Variants in MTRR observed in about 807,000 individuals in gnomAD.
The protein encoded by MTRR is 5-methyltetrahydrofolate-homocysteine methyltransferase reductase, also known as methionine synthase reductase.
A neutral mutation model predicts 79.2 loss-of-function variants in MTRR; 63 were observed. The ratio of observed to expected loss-of-function variants is 0.80; its 90% confidence interval spans 0.65 to 0.98. The LOEUF is 0.98. MTRR is among the 50% of genes least tolerant of loss of function. MTRR has a pLI of 0.00. For missense variants in MTRR, 895 were observed against 839.6 expected, an observed-to-expected ratio of 1.07 and a Z score of -0.82; for synonymous variants, 355 against 313.3, an observed-to-expected ratio of 1.13 and a Z score of -1.41.
rs1442829435 is a variant in MTRR at position 7,859,357 on chromosome 5, T to TCA, written n.392-2591_392-2590dup. The TCA allele has an allele frequency of 3.6e-6, 3 of 839,634 alleles. No individual in the cohort carries two copies. The African/African-American group carries it at 5.2e-5, about 15-fold the overall frequency. The allele number at this position is 839,634 out of a possible 1,614,324, so 52.0% of individuals were successfully genotyped here. ...GAACATATTCTGCAAAGTGGCTAAT[T>TCA]CACATTATATTTTTCTTTTAATACT... is the stretch of plus-strand genomic sequence containing the variant. On this transcript the variant is annotated intron_variant and non_coding_transcript_variant, in intron 1 of 3. Coordinates refer to the MTRR transcript ENST00000502509.
intron 12 of MTRR, 45 bp from the exon 13 acceptor site, chr5:7,896,819 A>G (rs748797973): frequency 3.4e-6 from 5 of 1,480,378 alleles, no homozygotes; most frequent in Non-Finnish European, 4.7e-6. Flanking sequence ...TTGGTTTTAC[A>G]TATTCTTTAT....
chr5:7,889,302 T>G (rs1289430841), intron 9 of MTRR, 27 bp downstream of exon 9: 1 of 1,611,948 alleles, frequency 6.2e-7, no homozygotes, highest in African/African-American at 1.3e-5. Flanking sequence ...ACAAGCACCT[T>G]GGTGGCTGTT....
intron 6 of MTRR, among the ~76,000 whole-genome samples, chr5:7,884,891 G>A (rs1438383537): frequency 2.6e-5 from 4 of 152,184 alleles, no homozygotes; most frequent in Admixed American, 6.5e-5. Context: ...AAAATACAAT[G>A]TGTCAAAACT....
upstream of MTRR, chr5:7,867,428 C>T: frequency 6.2e-7 from 1 of 1,614,156 alleles, no homozygotes; most frequent in South Asian, 1.1e-5. Context: ...CCCAAGAATA[C>T]AAAGATTGCG....
chr5:7,879,916 G>A (rs1735309337), intron 5 of MTRR, among the ~76,000 whole-genome samples: 1 of 152,178 alleles, frequency 6.6e-6, no homozygotes, highest in South Asian at 2.1e-4. Context: ...CAAAGCTGGT[G>A]GCCTTTTCTG....
At chr5:7,859,738 A>G (rs1426917829) in intron 1 of MTRR, among the ~76,000 whole-genome samples, 2 of 152,232 alleles carry the variant, frequency 1.3e-5, no homozygotes, top group Non-Finnish European at 2.9e-5. Context: ...GGGCTTGGTA[A>G]ATATTTGATG....
At chr5:7,881,447 T>A (rs1735579194) in intron 5 of MTRR, among the ~76,000 whole-genome samples, 1 of 152,036 alleles carries the variant, frequency 6.6e-6, no homozygotes, top group Non-Finnish European at 1.5e-5. Flanking sequence ...AAGGGAGTTC[T>A]TACTCTTCAT....
intron 1 of MTRR, 141 bp downstream of exon 1, chr5:7,869,356 C>T (rs1747447119): frequency 4.4e-6 from 4 of 899,682 alleles, no homozygotes; most frequent in Non-Finnish European, 3.4e-6. Context: ...GGGGTCGCCG[C>T]GGGCGCGGGC....
At chr5:7,876,862 G>A (rs1734646030) in intron 4 of MTRR, among the ~76,000 whole-genome samples, 2 of 152,344 alleles carry the variant, frequency 1.3e-5, no homozygotes, top group South Asian at 2.1e-4. Flanking sequence ...AACACTCAGT[G>A]AACGTTAGTT....
intron 14 of MTRR, among the ~76,000 whole-genome samples, chr5:7,897,930 A>G (rs1193078525): frequency 6.6e-6 from 1 of 152,080 alleles, no homozygotes; most frequent in Non-Finnish European, 1.5e-5. Flanking sequence ...TTTTTTTTCA[A>G]CTGTAATGTA....
intron 1 of MTRR, among the ~76,000 whole-genome samples, chr5:7,855,174 C>A (rs568992346): frequency 6.6e-6 from 1 of 152,020 alleles, no homozygotes; most frequent in Non-Finnish European, 1.5e-5. Context: ...AAAAGTCATA[C>A]GTGGACTTTG....
Position 7,892,798 on chromosome 5 carries a change from C to T in MTRR, c.1442C>T (p.Thr481Ile), listed in dbSNP as rs778373384. Residue 481 changes from threonine to isoleucine, a missense_variant, in exon 11 of 15, where the codon ACA becomes ATA. Thr to Ile is a moderately conservative substitution (Grantham distance 89). Transcript: ENST00000440940. Reference sequence around the variant, plus strand: ...GTGGAATTTCTGTCTACTGCCACAACAGAGGTTCTGCGGAAGGGAGTATGT... The same window carrying T: ...GTGGAATTTCTGTCTACTGCCACAATAGAGGTTCTGCGGAAGGGAGTATGT... ...NIVEFLSTATTEVLRKGVCTG... is the reference protein window; with the variant it reads ...NIVEFLSTATIEVLRKGVCTG... 1.2e-6 allele frequency: 2 copies of T among 1,614,206 alleles called. No individual in the cohort carries two copies. Among genetic ancestry groups the T allele is most frequent in the Non-Finnish European group, 1.7e-6 (2 of 1,180,036 alleles).
chr5:7,889,625 A>G (rs924786540), intron 9 of MTRR, among the ~76,000 whole-genome samples: 1 of 152,070 alleles, frequency 6.6e-6, no homozygotes, highest in African/African-American at 2.4e-5. Flanking sequence ...AACTTTTTTC[A>G]GAAAGGTTGT....
In MTRR at chr5:7,878,310, G is replaced by A; in HGVS notation, c.768G>A (p.Glu256=). 6.2e-7 allele frequency: 1 copy of A among 1,614,208 alleles called. No homozygotes were observed. The highest frequency in any genetic ancestry group is 8.5e-7 in the Non-Finnish European group (1 of 1,180,034). Residue 256 remains glutamate (E), a synonymous_variant, in exon 5 of 15, where the codon GAG becomes GAA. Transcript: ENST00000440940. ...AATATTTACAGGTACATCTGCAGGA[G>A]TCTCTTGGCCAGGTAAGGAAGTTTT... The part of the protein sequence containing the change: ...PPEYLQVHLQ[E]SLGQEESQVS...
intron 8 of MTRR, among the ~76,000 whole-genome samples, chr5:7,888,387 A>G (rs560793697): frequency 1.3e-5 from 2 of 152,296 alleles, no homozygotes; most frequent in African/African-American, 4.8e-5. Context: ...AGGAGATTGT[A>G]TTGGCTTTAG....
intron 8 of MTRR, 39 bp from the exon 9 acceptor site, chr5:7,889,056 C>T: frequency 6.2e-7 from 1 of 1,608,090 alleles, no homozygotes; most frequent in Non-Finnish European, 8.5e-7. Flanking sequence ...GCTCTACCCA[C>T]AAATTGTGTC....
intron 5 of MTRR, among the ~76,000 whole-genome samples, chr5:7,880,362 A>G (rs181847018): frequency 2.6e-5 from 4 of 152,296 alleles, no homozygotes; most frequent in Admixed American, 2.0e-4. Flanking sequence ...GATCCTCTTT[A>G]GTGATAGGGT....
intron 2 of MTRR, chr5:7,862,995 A>G: frequency 6.2e-7 from 1 of 1,612,236 alleles, no homozygotes; most frequent in Non-Finnish European, 8.5e-7. Context: ...GGAGTTTTGG[A>G]CCCTAAAAAA....
upstream of MTRR, chr5:7,850,863 C>T: frequency 7.7e-7 from 1 of 1,306,548 alleles, no homozygotes. Flanking sequence ...GCGCCCAGTC[C>T]GCGGTCCTCA....
Sources: allele counts gnomAD v4.1 joint callset (sites outside exome capture counted in the v4.1 genomes callset), GRCh38; gene constraint gnomAD v4.1.1; transcripts MANE v1.5; gene names NCBI Gene and HGNC (gene_info 2026-07-23, HGNC 2026-07-21).